ANKS1B: variants seen among roughly 807,000 people sequenced by gnomAD.
The protein encoded by ANKS1B is ankyrin repeat and sterile alpha motif domain-containing protein 1B.
A neutral mutation model predicts 148.3 loss-of-function variants in ANKS1B; 36 were observed. The observed-to-expected ratio is 0.24, with a 90% CI of 0.19 to 0.32. ANKS1B has a LOEUF of 0.32. Ranked by LOEUF, ANKS1B falls within the 10% of genes least tolerant of loss-of-function variation. The probability of loss-of-function intolerance (pLI) is 1.00; values close to 1 mark genes in which losing one functional copy is unlikely to be tolerated. For synonymous variants in ANKS1B, 542 were observed against 560.8 expected, an observed-to-expected ratio of 0.97 and a Z score of 0.47; for missense variants, 1,157 against 1,542.6, an observed-to-expected ratio of 0.75 and a Z score of 4.19.
chr12:99,327,325 T>TATGTAATTATATATTATAATTACA (rs1366718596), intron 12 of ANKS1B, among the ~76,000 whole-genome samples: 2 of 117,948 alleles, frequency 1.7e-5, no homozygotes, highest in Non-Finnish European at 3.2e-5. Context: ...TAATTACATA[T>TATGTAATTATATATTATAATTACA]TATATATAAT....
chr12:99,699,907 AC>A (rs1482905377), intron 8 of ANKS1B, among the ~76,000 whole-genome samples: 8 of 152,168 alleles, frequency 5.3e-5, no homozygotes. Flanking sequence ...CCCTGAAAGC[AC>A]CTTTTAAATA....
chr12:99,452,692 A>G (rs974563425), intron 10 of ANKS1B, among the ~76,000 whole-genome samples: 1 of 152,236 alleles, frequency 6.6e-6, no homozygotes. Context: ...TGAGGAAGAT[A>G]ATATTTAACA....
intron 10 of ANKS1B, among the ~76,000 whole-genome samples, chr12:99,470,938 G>A: frequency 6.6e-6 from 1 of 152,106 alleles, no homozygotes; most frequent in East Asian, 1.9e-4. Context: ...ATGCTATCAT[G>A]TTCTTCAAGT....
At chr12:98,763,358 A>G (rs1317057558) in intron 25 of ANKS1B, among the ~76,000 whole-genome samples, 1 of 152,250 alleles carries the variant, frequency 6.6e-6, no homozygotes, top group East Asian at 1.9e-4. Flanking sequence ...ACAGAAATAA[A>G]TAGTGCCCAA....
intron 1 of ANKS1B, among the ~76,000 whole-genome samples, chr12:99,884,739 C>G (rs2092729216): frequency 6.6e-6 from 1 of 152,006 alleles, no homozygotes; most frequent in South Asian, 2.1e-4. Context: ...AGGATTAGAG[C>G]TAGGGAAAAG....
At chr12:98,783,987 C>T (rs1480940627) in intron 22 of ANKS1B, among the ~76,000 whole-genome samples, 6 of 152,136 alleles carry the variant, frequency 3.9e-5, no homozygotes, top group Non-Finnish European at 8.8e-5. Context: ...CAGGAGGAGG[C>T]ACCACAATGT....
intron 17 of ANKS1B, among the ~76,000 whole-genome samples, chr12:98,990,577 A>C (rs1246853500): frequency 1.3e-5 from 2 of 152,004 alleles, no homozygotes; most frequent in Non-Finnish European, 2.9e-5. Context: ...AAAAAAAAAA[A>C]AACACTAAGT....
At chr12:98,742,798 A>G (rs1028391260), downstream of ANKS1B, among the ~76,000 whole-genome samples, 1 of 152,130 alleles carries the variant, frequency 6.6e-6, no homozygotes, top group African/African-American at 2.4e-5. Flanking sequence ...GCTTGTGTCC[A>G]TTTGCCTAGA....
intron 17 of ANKS1B, among the ~76,000 whole-genome samples, chr12:98,837,020 C>A (rs2099367966): frequency 6.6e-6 from 1 of 152,078 alleles, no homozygotes; most frequent in African/African-American, 2.4e-5. Flanking sequence ...GCTCCAACTG[C>A]TGAGTTCCAA....
intron 9 of ANKS1B, among the ~76,000 whole-genome samples, chr12:99,567,724 G>A (rs919210705): frequency 1.3e-5 from 2 of 152,048 alleles, no homozygotes; most frequent in African/African-American, 4.8e-5. Context: ...ATGCTAAAGG[G>A]GGCAGATAAT....
At chr12:99,738,892 T>C (rs10860500) in intron 8 of ANKS1B, among the ~76,000 whole-genome samples, 35,668 of 152,012 alleles carry the variant, frequency 0.23, 4,745 homozygotes, top group Non-Finnish European at 0.31. Flanking sequence ...TTCCATATTA[T>C]ATTGTGGCTT....
intron 12 of ANKS1B, among the ~76,000 whole-genome samples, chr12:99,352,545 G>A (rs2091541699): frequency 1.3e-5 from 2 of 152,016 alleles, no homozygotes; most frequent in Non-Finnish European, 2.9e-5. Flanking sequence ...TTTAATCAAT[G>A]TAATGAAACT....
rs1375479704 is a variant in ANKS1B at position 99,679,891 on chromosome 12, T to C, written c.1129-24681A>G. ...GAGAACAGCATGTGGAGACTCACAT[T>C]GTAAACTTTTGCTCCAAGAACTGCC... On this transcript the variant is annotated intron_variant, in intron 8 of 26. Coordinates refer to ENST00000683438, the MANE Select transcript of ANKS1B (RefSeq NM_001352186.2). 4.6e-5 allele frequency among the ~76,000 whole-genome samples: 7 copies of C among 152,294 alleles called. No homozygotes were observed. The East Asian group carries it at 1.2e-3, about 25-fold the overall frequency.
At chr12:99,477,015 C>T (rs1183215658) in intron 10 of ANKS1B, among the ~76,000 whole-genome samples, 1 of 152,140 alleles carries the variant, frequency 6.6e-6, no homozygotes, top group Non-Finnish European at 1.5e-5. Context: ...TCCCATGGGC[C>T]TCTCCACGGA....
Position 98,782,910 on chromosome 12 carries a change from C to G in ANKS1B, c.3343-773G>C, listed in dbSNP as rs762103638. 1.3e-4 allele frequency among the ~76,000 whole-genome samples: 20 copies of G among 152,292 alleles called. No individual in the cohort carries two copies. In the South Asian group the frequency reaches 2.1e-3, roughly 16 times the overall value. On this transcript the variant is annotated intron_variant, in intron 22 of 26. Coordinates refer to ENST00000683438, the MANE Select transcript of ANKS1B (RefSeq NM_001352186.2). ...CTTCCAACCACTTCTTAAAAATGTG[C>G]AAGACACATCAAAGGCAGGCTAGAA...
At chr12:98,930,583 T>C (rs1567845766) in intron 17 of ANKS1B, among the ~76,000 whole-genome samples, 2 of 152,110 alleles carry the variant, frequency 1.3e-5, no homozygotes, top group Non-Finnish European at 2.9e-5. Context: ...ATCTATATGA[T>C]GGGATAAAAA....
intron 16 of ANKS1B, among the ~76,000 whole-genome samples, chr12:99,084,457 C>T (rs1320737497): frequency 6.6e-6 from 1 of 152,150 alleles, no homozygotes; most frequent in African/African-American, 2.4e-5. Context: ...CCTGTAATCC[C>T]AGAAGTCTGG....
chr12:99,674,391 A>T (rs537551405), intron 8 of ANKS1B, among the ~76,000 whole-genome samples: 6 of 151,962 alleles, frequency 3.9e-5, no homozygotes, highest in African/African-American at 1.4e-4. Flanking sequence ...TCCTAGCTGG[A>T]CCTGCAAGGA....
intron 14 of ANKS1B, among the ~76,000 whole-genome samples, chr12:99,217,881 A>G (rs2246664): frequency 0.56 from 84,627 of 151,970 alleles, 24,472 homozygotes; most frequent in Non-Finnish European, 0.63. Context: ...CTCAGAGTGA[A>G]TAAGTGTCTT....
Sources: gnomAD v4.1 joint callset for allele counts (sites outside exome capture counted in the v4.1 genomes callset) on GRCh38, gnomAD v4.1.1 for gene constraint, MANE v1.5 for transcripts, NCBI Gene and HGNC (gene_info 2026-07-23, HGNC 2026-07-21) for gene names.